USP24: variants seen among roughly 807,000 people sequenced by gnomAD.
USP24 encodes the protein ubiquitin specific peptidase 24, also known as ubiquitin carboxyl-terminal hydrolase 24.
Under a neutral mutation model 361.6 loss-of-function variants are expected in USP24, and 97 were observed. The observed-to-expected ratio is 0.27, with a 90% CI of 0.23 to 0.32. USP24 has a LOEUF of 0.32. Ranked by LOEUF, USP24 falls within the 10% of genes least tolerant of loss-of-function variation. The pLI, the probability that USP24 is intolerant of heterozygous loss-of-function variation, is 1.00. For missense variants in USP24, 2,353 were observed against 3,165.6 expected, an observed-to-expected ratio of 0.74 and a Z score of 6.16; for synonymous variants, 1,098 against 1,124.6, an observed-to-expected ratio of 0.98 and a Z score of 0.47.
chr1:55,148,366 AAAGAT>A, intron 17 of USP24, 92 bp downstream of exon 17: 1 of 710,486 alleles, frequency 1.4e-6, no homozygotes, highest in Non-Finnish European at 2.1e-6. Flanking sequence ...CAATAAACAT[AAAGAT>A]AGTGACTATA....
chr1:55,105,431 TG>T (rs1201248471), intron 41 of USP24, among the ~76,000 whole-genome samples: 1 of 152,242 alleles, frequency 6.6e-6, no homozygotes, highest in Non-Finnish European at 1.5e-5. Flanking sequence ...CTGCTTATTA[TG>T]CCTTGTCCAT....
chr1:55,158,825 G>A (rs949839070), intron 10 of USP24, 53 bp downstream of exon 10: 2 of 1,320,854 alleles, frequency 1.5e-6, no homozygotes, highest in South Asian at 2.6e-5. Context: ...ATACATCTTG[G>A]CAGAACTTAG....
In USP24 at chr1:55,215,215, G is replaced by A. The variant is rs1644960365; in HGVS notation, c.-102C>T. ...CCCTCCGCGCCGCCTCCGCGCCCAGGTTGGCCCCTGCGTTCCTGCCCCGGG... is the reference window on the plus strand; with the variant it reads ...CCCTCCGCGCCGCCTCCGCGCCCAGATTGGCCCCTGCGTTCCTGCCCCGGG... On this transcript the variant is annotated 5_prime_UTR_variant, in exon 1 of 68. Coordinates refer to ENST00000294383, the MANE Select transcript of USP24 (RefSeq NM_015306.3). The A allele has an allele frequency of 2.0e-6, 2 of 1,008,710 alleles. No homozygotes were observed. The highest frequency in any genetic ancestry group is 2.5e-6 in the Non-Finnish European group (2 of 796,892). 62.5% of individuals were successfully genotyped at this position (1,008,710 alleles called of 1,614,324 possible).
intron 43 of USP24, among the ~76,000 whole-genome samples, 160 bp downstream of exon 43, chr1:55,101,424 A>T (rs1645631054): frequency 6.6e-6 from 1 of 151,630 alleles, no homozygotes; most frequent in Admixed American, 6.5e-5. Context: ...AAAATGTGTG[A>T]TTATACACAA....
intron 67 of USP24, 143 bp downstream of exon 67, chr1:55,071,671 G>A (rs2100383805): frequency 9.5e-7 from 1 of 1,050,642 alleles, no homozygotes; most frequent in Non-Finnish European, 1.4e-6. Flanking sequence ...GCTGAGCTGA[G>A]ATCACTAGAG....
chr1:55,095,390 G>T lies in USP24; in HGVS notation c.6068C>A (p.Pro2023Gln), dbSNP rs1486861451. 3.1e-6 allele frequency: 5 copies of T among 1,608,140 alleles called. No individual in the cohort carries two copies. The highest frequency in any genetic ancestry group is 3.4e-6 in the Non-Finnish European group (4 of 1,177,666). Residue 2023 changes from proline (P) to glutamine (Q), a missense_variant, in exon 51 of 68, where the codon CCA (proline) becomes CAA (glutamine). Around this residue, in one of 8 missense-constraint regions of USP24, gnomAD observed 598 missense variants for 761.9 expected, o/e 0.78. Coordinates refer to ENST00000294383, the MANE Select transcript of USP24 (RefSeq NM_015306.3). ...GTATCTTCGGCGCACATCAGTGTAT[G>T]GGTTTGCTTTATAACAAGACATTAA... ...YRPKVYDQTN[P>Q]YTDVRRRYWN...
chr1:55,121,093 G>A (rs138499703), intron 37 of USP24, among the ~76,000 whole-genome samples: 1,817 of 152,278 alleles, frequency 0.012, 40 homozygotes, highest in African/African-American at 0.042. Context: ...AAAGTTTATG[G>A]GTTGAGGTTG....
intron 45 of USP24, 102 bp from the exon 46 acceptor site, chr1:55,098,660 G>A (rs1249068518): frequency 6.2e-6 from 5 of 809,144 alleles, no homozygotes; most frequent in South Asian, 4.7e-5. Context: ...AACAAAACGC[G>A]TCATTCTGGT....
At chr1:55,202,882 T>C (rs1425045250) in intron 1 of USP24, among the ~76,000 whole-genome samples, 3 of 152,204 alleles carry the variant, frequency 2.0e-5, no homozygotes, top group African/African-American at 4.8e-5. Context: ...TATAAACTTA[T>C]GAATAACCAA....
intron 35 of USP24, 36 bp from the exon 36 acceptor site, chr1:55,123,638 T>C (rs201477317): frequency 1.9e-4 from 288 of 1,539,408 alleles, no homozygotes; most frequent in Admixed American, 1.8e-4. Context: ...CTGTGGATCC[T>C]ACAGGAACTA....
intron 46 of USP24, 49 bp from the exon 47 acceptor site, chr1:55,098,133 C>A: frequency 1.3e-6 from 2 of 1,512,524 alleles, no homozygotes; most frequent in Non-Finnish European, 1.8e-6. Context: ...GAATTTAAAA[C>A]TCTTCAATTA....
At chr1:55,214,643 G>C (rs1371537515) in intron 1 of USP24, 147 bp downstream of exon 1, 1 of 704,186 alleles carries the variant, frequency 1.4e-6, no homozygotes, top group Non-Finnish European at 1.9e-6. Flanking sequence ...CTGGAGCCTG[G>C]GGCTTCTCTC....
At chr1:55,120,880 G>T (rs1020108439) in intron 37 of USP24, 124 bp from the exon 38 acceptor site, 7 of 1,217,742 alleles carry the variant, frequency 5.7e-6, no homozygotes, top group African/African-American at 1.5e-5. Flanking sequence ...ATACTAGAAA[G>T]GTATGAGTGT....
chr1:55,108,853 T>C (rs905574997), intron 39 of USP24, among the ~76,000 whole-genome samples: 13 of 152,228 alleles, frequency 8.5e-5, no homozygotes, highest in Non-Finnish European at 1.8e-4. Context: ...GTGAGACTGT[T>C]AGATGGACAT....
At chr1:55,093,630 C>T in intron 52 of USP24, 1 of 232,108 alleles carries the variant, frequency 4.3e-6, no homozygotes, top group South Asian at 1.2e-4. Flanking sequence ...TTTATTTCAG[C>T]AACACGATTT....
At chr1:55,183,417 T>C (rs957957291) in intron 1 of USP24, among the ~76,000 whole-genome samples, 1 of 152,182 alleles carries the variant, frequency 6.6e-6, no homozygotes, top group Non-Finnish European at 1.5e-5. Flanking sequence ...TGTGATAAAA[T>C]GTTAATATTT....
intron 1 of USP24, among the ~76,000 whole-genome samples, chr1:55,206,019 G>C (rs1466790011): frequency 6.6e-6 from 1 of 152,160 alleles, no homozygotes; most frequent in Non-Finnish European, 1.5e-5. Flanking sequence ...AAGGAAAACT[G>C]ACTTGCCAAA....
intron 24 of USP24, among the ~76,000 whole-genome samples, chr1:55,139,458 C>A (rs572496044): frequency 6.6e-6 from 1 of 152,114 alleles, no homozygotes; most frequent in African/African-American, 2.4e-5. Flanking sequence ...TCAGTAAGTA[C>A]GACACAAACA....
rs1203261686 is a variant in USP24, at chr1:55,072,039, G to T, written c.7690-115C>A. 6.4e-6 allele frequency: 6 copies of T among 933,158 alleles called. No homozygotes were observed. The Admixed American group carries it at 1.2e-4, about 19-fold the overall frequency. The allele number at this position is 933,158 out of a possible 1,614,324, so 57.8% of individuals were successfully genotyped here. ...TCAGTGGGACCGGAGGCCTGAGAGT[G>T]AGGCCTTCATCACAGTCACCAGAAC... On this transcript the variant is annotated intron_variant, in intron 66 of 67. Transcript: ENST00000294383.
Sources: gnomAD v4.1 joint callset for allele counts (sites outside exome capture counted in the v4.1 genomes callset) on GRCh38, gnomAD v4.1.1 for gene constraint, gnomAD v4.1.1 regional missense constraint, MANE v1.5 for transcripts, NCBI Gene and HGNC (gene_info 2026-07-23, HGNC 2026-07-21) for gene names.